The following WDR72 variants were observed in gnomAD, a reference collection of about 807,000 sequenced individuals.
The protein encoded by WDR72 is WD repeat domain 72.
WDR72 carries 120 observed loss-of-function variants against 124.2 expected under a neutral mutation model. That is an observed-to-expected ratio of 0.97 (90% CI 0.83 to 1.12). The LOEUF is 1.12. Among genes scored for constraint, WDR72 ranks in the 50% most tolerant of loss-of-function variants. The probability of loss-of-function intolerance (pLI) is 0.00; values close to 1 mark genes in which losing one functional copy is unlikely to be tolerated. For missense variants in WDR72, 1,387 were observed against 1,278.8 expected, an observed-to-expected ratio of 1.08 and a Z score of -1.29; for synonymous variants, 452 against 441.7, an observed-to-expected ratio of 1.02 and a Z score of -0.29.
chr15:53,548,387 T>G (rs941463889), intron 18 of WDR72, among the ~76,000 whole-genome samples: 2 of 152,176 alleles, frequency 1.3e-5, no homozygotes, highest in Admixed American at 6.5e-5. Flanking sequence ...GCAGCAGGGT[T>G]AGTTTCTGCC....
At chr15:53,534,228 C>T (rs994293539) in intron 18 of WDR72, among the ~76,000 whole-genome samples, 1 of 152,098 alleles carries the variant, frequency 6.6e-6, no homozygotes, top group Admixed American at 6.5e-5. Context: ...CAGCTAACTT[C>T]CAGGTAGTGA....
At chr15:53,528,692 AATT>A (rs1892258619) in intron 18 of WDR72, among the ~76,000 whole-genome samples, 1 of 152,010 alleles carries the variant, frequency 6.6e-6, no homozygotes, top group Non-Finnish European at 1.5e-5. Flanking sequence ...GAGAGGATTA[AATT>A]ATTGACTATT....
At chr15:53,548,121 A>T (rs1893565068) in intron 18 of WDR72, among the ~76,000 whole-genome samples, 1 of 152,184 alleles carries the variant, frequency 6.6e-6, no homozygotes, top group South Asian at 2.1e-4. Flanking sequence ...TCTATCATAA[A>T]GTGGTCACCA....
intron 14 of WDR72, among the ~76,000 whole-genome samples, chr15:53,663,053 G>A (rs1388347417): frequency 1.3e-5 from 2 of 150,686 alleles, no homozygotes; most frequent in African/African-American, 4.9e-5. Flanking sequence ...GTGCTGGAGT[G>A]CAGTGGCACG....
chr15:53,537,043 T>C (rs1364343465), intron 18 of WDR72, among the ~76,000 whole-genome samples: 2 of 152,216 alleles, frequency 1.3e-5, no homozygotes, highest in Admixed American at 1.3e-4. Flanking sequence ...TGAAAAACAG[T>C]GTAATTGCGG....
In WDR72 at chr15:53,523,308, C is replaced by T. The variant is rs750527537; in HGVS notation, c.3163G>A (p.Val1055Ile). ...GAGTTTGAGTTGCTGTCATGCTTGA[C>T]CGGGCTGACTGGAGCTATTAAAAGA... Reference protein sequence around the residue: ...TLPLQTPVSPVKHDSNSNSAN... With the variant: ...TLPLQTPVSPIKHDSNSNSAN... Residue 1055 changes from valine to isoleucine, a missense_variant, in exon 19 of 20, where the codon GTC becomes ATC. Transcript: ENST00000360509. 1.9e-6 allele frequency: 3 copies of T among 1,612,052 alleles called. No homozygotes were observed. The highest frequency in any genetic ancestry group is 2.5e-6 in the Non-Finnish European group (3 of 1,179,208).
At chr15:53,593,677 A>T (rs1007051206) in intron 18 of WDR72, among the ~76,000 whole-genome samples, 23 of 151,880 alleles carry the variant, frequency 1.5e-4, no homozygotes, top group African/African-American at 5.5e-4. Flanking sequence ...TGGGAAGATC[A>T]CCTGAGCCAG....
intron 17 of WDR72, among the ~76,000 whole-genome samples, chr15:53,599,271 A>G (rs1031531125): frequency 1.3e-5 from 2 of 152,134 alleles, no homozygotes; most frequent in Non-Finnish European, 2.9e-5. Flanking sequence ...TTCATGATGA[A>G]CAATTTTATA....
intron 13 of WDR72, among the ~76,000 whole-genome samples, chr15:53,691,215 A>G (rs1226589976): frequency 6.6e-6 from 1 of 151,992 alleles, no homozygotes; most frequent in African/African-American, 2.4e-5. Context: ...GTGCCTGGCT[A>G]ATTTTTTAAA....
chr15:53,716,752 C>T (rs1431548846), intron 3 of WDR72, 67 bp from the exon 4 acceptor site: 6 of 1,237,554 alleles, frequency 4.8e-6, no homozygotes, highest in Middle Eastern at 3.8e-4. Context: ...AATTTTTGTG[C>T]CACCAAGTTT....
intron 1 of WDR72, among the ~76,000 whole-genome samples, chr15:53,751,147 C>T (rs1027573317): frequency 6.6e-6 from 1 of 152,062 alleles, no homozygotes; most frequent in Non-Finnish European, 1.5e-5. Flanking sequence ...TGACATATGC[C>T]TGTAATCCCA....
intron 13 of WDR72, among the ~76,000 whole-genome samples, chr15:53,676,467 G>C (rs1035439025): frequency 2.6e-5 from 4 of 152,220 alleles, no homozygotes; most frequent in Non-Finnish European, 4.4e-5. Flanking sequence ...TAAAACATTG[G>C]AAGTATTTGA....
chr15:53,618,185 T>C (rs1486157898), intron 14 of WDR72, among the ~76,000 whole-genome samples: 1 of 151,916 alleles, frequency 6.6e-6, no homozygotes, highest in African/African-American at 2.4e-5. Context: ...AACCAATATT[T>C]GAATTTCATG....
chr15:53,675,591 T>A (rs1053019644), intron 13 of WDR72, among the ~76,000 whole-genome samples: 1 of 152,214 alleles, frequency 6.6e-6, no homozygotes, highest in Admixed American at 6.5e-5. Context: ...ACACCAGGCA[T>A]GTTATTTTTA....
At chr15:53,749,168 T>C (rs1180131483) in intron 1 of WDR72, among the ~76,000 whole-genome samples, 2 of 152,182 alleles carry the variant, frequency 1.3e-5, no homozygotes, top group African/African-American at 4.8e-5. Context: ...TCTCAGATAA[T>C]TGTGTTTTTT....
chr15:53,613,892 T>C, intron 15 of WDR72, 135 bp from the exon 16 acceptor site: 1 of 617,070 alleles, frequency 1.6e-6, no homozygotes. Context: ...GCAATATCTT[T>C]CACATCAATT....
At chr15:53,518,074 AAG>A (rs150344360) in intron 19 of WDR72, among the ~76,000 whole-genome samples, 12,645 of 152,020 alleles carry the variant, frequency 0.083, 664 homozygotes, top group Non-Finnish European at 0.11. Context: ...AGTTTTCTAT[AAG>A]AAAAATTTAG....
intron 1 of WDR72, among the ~76,000 whole-genome samples, chr15:53,745,586 G>C (rs994344131): frequency 6.6e-6 from 1 of 152,078 alleles, no homozygotes; most frequent in African/African-American, 2.4e-5. Context: ...CAACAAATAA[G>C]TTTTGTATAG....
At position 53,666,514 on chromosome 15, in the gene WDR72, T is replaced by C. The variant is rs529822547; in HGVS notation, c.1766-746A>G. ...TGCCATACACTCAGTGAAATATCAA[T>C]AAATACGAATTAATCATGTTCTGTC... is the stretch of plus-strand genomic sequence containing the variant. On this transcript the variant is annotated intron_variant, in intron 13 of 19. Transcript: ENST00000360509. Among the ~76,000 whole-genome samples, 4 of 152,292 alleles carry C rather than the reference T, an allele frequency of 2.6e-5. 1 individual carries two copies. Among genetic ancestry groups the C allele is most frequent in the African/African-American group, 9.6e-5 (4 of 41,568 alleles).
Sources: allele counts gnomAD v4.1 joint callset (sites outside exome capture counted in the v4.1 genomes callset), GRCh38; gene constraint gnomAD v4.1.1; transcripts MANE v1.5; gene names NCBI Gene and HGNC (gene_info 2026-07-23, HGNC 2026-07-21).